PCDHGA5: variants seen among roughly 807,000 people sequenced by gnomAD.
The protein encoded by PCDHGA5 is protocadherin gamma subfamily A, 5, also known as protocadherin gamma-A5.
PCDHGA5 carries 36 observed loss-of-function variants against 56.7 expected under a neutral mutation model. The ratio of observed to expected loss-of-function variants is 0.64; its 90% CI spans 0.49 to 0.84. PCDHGA5 has a LOEUF of 0.84. Among genes scored for constraint, PCDHGA5 ranks in the 40% least tolerant of loss-of-function variants. PCDHGA5 has a pLI of 0.00. For synonymous variants in PCDHGA5, 563 were observed against 520.2 expected, an observed-to-expected ratio of 1.08 and a Z score of -1.12; for missense variants, 1,305 against 1,201.5, an observed-to-expected ratio of 1.09 and a Z score of -1.27.
intron 1 of PCDHGA5, among the ~76,000 whole-genome samples, chr5:141,473,185 G>A (rs1171761852): frequency 1.3e-5 from 2 of 152,188 alleles, no homozygotes; most frequent in Non-Finnish European, 2.9e-5. Flanking sequence ...ACTTGAAGGA[G>A]TAAATGTATC....
chr5:141,485,434 G>A lies in PCDHGA5; in HGVS notation c.2422-9373G>A. The A allele has an allele frequency of 6.2e-7, 1 of 1,614,166 alleles. No individual in the cohort carries two copies. The highest frequency in any genetic ancestry group is 8.5e-7 in the Non-Finnish European group (1 of 1,180,018). On this transcript the variant is annotated intron_variant, in intron 1 of 3. Coordinates refer to ENST00000518069, the MANE Select transcript of PCDHGA5 (RefSeq NM_018918.3). This position sits in a 1 kb window ranked among gnomAD's most constrained non-coding sequence, Gnocchi z 5.7. ...TGGACAGCGGAGCCCTGCTCATCAA[G>A]AACCCAATCGACCGAGAGGCACTGT...
At chr5:141,461,430 A>G (rs1239117668) in intron 1 of PCDHGA5, among the ~76,000 whole-genome samples, 2 of 151,992 alleles carry the variant, frequency 1.3e-5, no homozygotes, top group African/African-American at 4.8e-5. Context: ...GGCCATTTGT[A>G]TACCTTCTTT....
intron 1 of PCDHGA5, chr5:141,413,141 G>A: frequency 1.3e-6 from 2 of 1,564,906 alleles, no homozygotes; most frequent in Non-Finnish European, 1.7e-6. Context: ...AACGTGTCCA[G>A]TGAGGACTTT....
rs1561663429 is a variant in PCDHGA5 at position 141,398,237 on chromosome 5, T to C, written c.2421+31486T>C. 4.1e-6 allele frequency: 6 copies of C among 1,479,416 alleles called. No homozygotes were observed. In the African/African-American group the frequency reaches 8.6e-5, roughly 21 times the overall value. The allele number at this position is 1,479,416 out of a possible 1,614,324, so 91.6% of individuals were successfully genotyped here. ...CTCTGTGAGCAGATCCGCTACAGGA[T>C]TCCCGAGGAAATGCCCAAGGGCTCC... On this transcript the variant is annotated intron_variant, in intron 1 of 3. Transcript: ENST00000518069.
At chr5:141,388,424 G>A (rs77505166) in intron 1 of PCDHGA5, 76,970 of 1,613,794 alleles carry the variant, frequency 0.048, 2,026 homozygotes, top group South Asian at 0.077. Context: ...ATTTCTCACT[G>A]ATAAATAAAG....
At chr5:141,438,538 A>G (rs950527053) in intron 1 of PCDHGA5, among the ~76,000 whole-genome samples, 2 of 145,166 alleles carry the variant, frequency 1.4e-5, no homozygotes, top group African/African-American at 2.6e-5. Context: ...CTTTTCCTCT[A>G]TATCTAAGCC....
chr5:141,420,826 C>G (rs1246534925), intron 1 of PCDHGA5, among the ~76,000 whole-genome samples: 1 of 152,216 alleles, frequency 6.6e-6, no homozygotes, highest in Non-Finnish European at 1.5e-5. Flanking sequence ...AATAATTACT[C>G]CTTTCGCAGG....
Position 141,511,039 on chromosome 5 carries a change from C to T in PCDHGA5, c.2662C>T (p.Pro888Ser). 1 of 1,614,196 alleles carries T rather than the reference C, an allele frequency of 6.2e-7. No homozygotes were observed. ...YGPQFTLQHV[P>S]DYRQNVYIPG... ...ACCCCAGTTCACCCTGCAGCACGTGCCCGACTACCGCCAGAATGTCTACAT... is the reference window on the plus strand; with the variant it reads ...ACCCCAGTTCACCCTGCAGCACGTGTCCGACTACCGCCAGAATGTCTACAT... The change falls in exon 4 of 4, where the codon CCC (proline) becomes TCC (serine). Residue 888 changes from proline (P) to serine (S), a missense_variant. Physicochemically the swap from Pro to Ser is moderately conservative, Grantham distance 74. Coordinates refer to ENST00000518069, the MANE Select transcript of PCDHGA5 (RefSeq NM_018918.3).
At chr5:141,411,215 A>C (rs1202378654) in intron 1 of PCDHGA5, 1 of 152,270 alleles carries the variant, frequency 6.6e-6, no homozygotes, top group Non-Finnish European at 1.5e-5. Context: ...TAACCTATCT[A>C]TTCAAATTTG....
intron 1 of PCDHGA5, chr5:141,426,560 G>A (rs1358683534): frequency 5.7e-6 from 2 of 352,756 alleles, no homozygotes; most frequent in South Asian, 2.1e-5. Flanking sequence ...AGAATAGATC[G>A]AGAGTCACTG....
chr5:141,388,496 G>A (rs1296141749), intron 1 of PCDHGA5: 9 of 1,613,710 alleles, frequency 5.6e-6, no homozygotes, highest in South Asian at 4.4e-5. Context: ...ACAGAGAAAA[G>A]CAGAAATCCT....
chr5:141,494,844 C>T lies in PCDHGA5; in HGVS notation c.2459C>T (p.Ala820Val). The change falls in exon 2 of 4, where the codon GCC becomes GTC. Residue 820 changes from alanine to valine, a missense_variant. Ala to Val is a moderately conservative substitution (Grantham distance 64). Coordinates refer to ENST00000518069, the MANE Select transcript of PCDHGA5 (RefSeq NM_018918.3). ...PPNTDWRFSQ[A>V]QRPGTSGSQN... The stretch of plus-strand genomic sequence containing the variant: ...AACACGGACTGGCGTTTCTCTCAGG[C>T]CCAGAGACCCGGCACCAGCGGGTAG... The T allele has an allele frequency of 6.2e-7, 1 of 1,614,190 alleles. No homozygotes were observed. The highest frequency in any genetic ancestry group is 8.5e-7 in the Non-Finnish European group (1 of 1,180,028).
intron 1 of PCDHGA5, chr5:141,393,474 C>G (rs773609499): frequency 3.1e-6 from 5 of 1,614,044 alleles, no homozygotes; most frequent in Non-Finnish European, 4.2e-6. Flanking sequence ...CGGCAAGCCG[C>G]CTCGCTCTAG....
At chr5:141,404,776 A>G (rs2094566348) in intron 1 of PCDHGA5, 1 of 1,612,952 alleles carries the variant, frequency 6.2e-7, no homozygotes, top group Non-Finnish European at 8.5e-7. Flanking sequence ...CCTACCGCCT[A>G]TTCAAGGCCA....
chr5:141,459,529 G>A (rs1201996126), intron 1 of PCDHGA5, among the ~76,000 whole-genome samples: 2 of 152,134 alleles, frequency 1.3e-5, no homozygotes, highest in African/African-American at 2.4e-5. Context: ...ATTTTTGTAG[G>A]CATATTTTTT....
intron 1 of PCDHGA5, chr5:141,370,596 G>T: frequency 6.2e-7 from 1 of 1,613,936 alleles, no homozygotes. Context: ...GAACCTGCGG[G>T]TTATTGCAGA....
chr5:141,371,996 C>T, intron 1 of PCDHGA5: 1 of 1,613,272 alleles, frequency 6.2e-7, no homozygotes, highest in Non-Finnish European at 8.5e-7. Context: ...CTCTGCAGGC[C>T]CGCGACCAGG....
In PCDHGA5 at chr5:141,366,393, A is replaced by T; in HGVS notation, c.2063A>T (p.Asp688Val). Residue 688 changes from aspartate to valine, a missense_variant, in exon 1 of 4, where the codon GAC (aspartate) becomes GTC (valine). Transcript: ENST00000518069. ...ACCCCCATTGACCCTGAGGATCTGG[A>T]CCTCACACTCTATCTTGTGGTGGCA... ...IKTPIDPEDLDLTLYLVVAVA... is the reference protein window; with the variant it reads ...IKTPIDPEDLVLTLYLVVAVA... The T allele has an allele frequency of 1.9e-6, 3 of 1,614,122 alleles. No individual in the cohort carries two copies. Among genetic ancestry groups the T allele is most frequent in the Non-Finnish European group, 8.5e-7 (1 of 1,180,036 alleles).
rs751047365 is a variant in PCDHGA5 at position 141,419,570 on chromosome 5, G to C, written c.2421+52819G>C. On this transcript the variant is annotated intron_variant, in intron 1 of 3. Transcript: ENST00000518069. ...GCTGTACCCTGCGCTGGGTCCCGAC[G>C]GCTCCGCGCTCTTCGACACAGTGCC... 5.6e-6 allele frequency: 9 copies of C among 1,611,766 alleles called. No individual in the cohort carries two copies. The South Asian group carries it at 8.8e-5, about 16-fold the overall frequency.
Sources: allele counts gnomAD v4.1 joint callset (sites outside exome capture counted in the v4.1 genomes callset), GRCh38; gene constraint gnomAD v4.1.1; non-coding constraint Gnocchi (gnomAD v3.1); transcripts MANE v1.5; gene names NCBI Gene and HGNC (gene_info 2026-07-23, HGNC 2026-07-21).